The following DYM variants were observed in gnomAD, a reference collection of about 807,000 sequenced individuals.
The protein encoded by DYM is dymeclin.
A neutral mutation model predicts 93.1 loss-of-function variants in DYM; 78 were observed. The ratio of observed to expected loss-of-function variants is 0.84; its 90% CI spans 0.70 to 1.01. The LOEUF (loss-of-function observed/expected upper bound fraction) is 1.01, where lower values mean the gene tolerates loss of function less well. Ranked by LOEUF, DYM falls within the 50% of genes least tolerant of loss-of-function variation. DYM has a pLI of 0.00. For missense variants in DYM, 789 were observed against 845.0 expected, an observed-to-expected ratio of 0.93 and a Z score of 0.82; for synonymous variants, 321 against 319.7, an observed-to-expected ratio of 1.00 and a Z score of -0.04.
intron 1 of DYM, among the ~76,000 whole-genome samples, chr18:49,437,068 GTTTAT>G (rs113452462): frequency 0.012 from 1,768 of 152,174 alleles, 30 homozygotes; most frequent in African/African-American, 0.04. Context: ...AGATGTTTCT[GTTTAT>G]TTTATGTTCT....
chr18:49,398,700 C>T (rs2070418506), intron 2 of DYM, among the ~76,000 whole-genome samples: 1 of 152,192 alleles, frequency 6.6e-6, no homozygotes, highest in Non-Finnish European at 1.5e-5. Context: ...ACTCCAGTGT[C>T]TTCATCACAT....
chr18:49,210,462 A>C (rs1249366817), intron 13 of DYM, among the ~76,000 whole-genome samples: 2 of 152,236 alleles, frequency 1.3e-5, no homozygotes, highest in East Asian at 3.8e-4. Flanking sequence ...AAGGCTACAT[A>C]TTGTGTGATT....
At chr18:49,200,480 C>T (rs1014913322) in intron 14 of DYM, among the ~76,000 whole-genome samples, 14 of 151,448 alleles carry the variant, frequency 9.2e-5, no homozygotes, top group Non-Finnish European at 1.6e-4. Flanking sequence ...ATTCTTTTTT[C>T]ATAAACATTA....
chr18:49,130,958 T>C (rs754902174), intron 15 of DYM, among the ~76,000 whole-genome samples: 13 of 152,216 alleles, frequency 8.5e-5, no homozygotes, highest in Non-Finnish European at 5.9e-5. Context: ...CCTTGGGCAA[T>C]TCACTGAACC....
At chr18:49,272,586 G>T (rs2094734654) in intron 10 of DYM, among the ~76,000 whole-genome samples, 1 of 152,158 alleles carries the variant, frequency 6.6e-6, no homozygotes, top group Non-Finnish European at 1.5e-5. Flanking sequence ...TTGTTTTGAA[G>T]ATTTTAAGAA....
At chr18:49,289,735 AT>A (rs1568180625) in intron 8 of DYM, among the ~76,000 whole-genome samples, 20 of 13,954 alleles carry the variant, frequency 1.4e-3, no homozygotes, top group African/African-American at 4.2e-3. Context: ...GTGTATATAT[AT>A]ATATATATAT....
chr18:49,110,104 TAC>T (rs1189571946), intron 16 of DYM, among the ~76,000 whole-genome samples: 1 of 152,234 alleles, frequency 6.6e-6, no homozygotes, highest in East Asian at 1.9e-4. Context: ...CCCACTTGTT[TAC>T]ACATAGTCTA....
At chr18:49,418,272 A>C (rs1182421614) in intron 2 of DYM, among the ~76,000 whole-genome samples, 4 of 152,162 alleles carry the variant, frequency 2.6e-5, no homozygotes, top group African/African-American at 9.7e-5. Context: ...AAAAATAATA[A>C]GTACAGGTCT....
At chr18:49,305,776 G>A (rs1247729370) in intron 8 of DYM, among the ~76,000 whole-genome samples, 1 of 145,232 alleles carries the variant, frequency 6.9e-6, no homozygotes, top group Non-Finnish European at 1.5e-5. Context: ...TCCATTTGTT[G>A]CCTTATTTTT....
chr18:49,366,868 C>T (rs901309622), intron 5 of DYM, among the ~76,000 whole-genome samples: 11 of 152,068 alleles, frequency 7.2e-5, no homozygotes, highest in Admixed American at 5.9e-4. Context: ...CATCATTTTA[C>T]AGATGAAGAC....
In DYM at chr18:49,129,963, G is replaced by C. The variant is rs536126711; in HGVS notation, c.1729-11037C>G. Among the ~76,000 whole-genome samples, 6 of 152,290 alleles carry C rather than the reference G, an allele frequency of 3.9e-5. No homozygotes were observed. The South Asian group carries it at 1.2e-3, about 32-fold the overall frequency. On this transcript the variant is annotated intron_variant, in intron 15 of 17. Coordinates refer to ENST00000675505, the MANE Select transcript of DYM (RefSeq NM_001353214.3). ...AGATAAAGATCCAATCCTGATGATA[G>C]AGGAATAAAAGCAAAAAACTTTCTA...
chr18:49,162,832 T>C (rs2087334321), intron 15 of DYM, among the ~76,000 whole-genome samples: 1 of 152,144 alleles, frequency 6.6e-6, no homozygotes, highest in African/African-American at 2.4e-5. Flanking sequence ...CTCACAAGGT[T>C]GGAGGGAAGA....
intron 3 of DYM, among the ~76,000 whole-genome samples, chr18:49,384,125 A>C (rs1198319333): frequency 6.6e-6 from 1 of 151,920 alleles, no homozygotes; most frequent in Non-Finnish European, 1.5e-5. Context: ...GAAGTTCAAG[A>C]TAGCCTAGGC....
chr18:49,287,613 G>A (rs1179085620), intron 8 of DYM, among the ~76,000 whole-genome samples: 1 of 151,794 alleles, frequency 6.6e-6, no homozygotes, highest in African/African-American at 2.4e-5. Flanking sequence ...GGCCTGGCAC[G>A]GTGGCTCACG....
chr18:49,248,148 A>G (rs1479690788), intron 13 of DYM, among the ~76,000 whole-genome samples: 1 of 152,268 alleles, frequency 6.6e-6, no homozygotes, highest in African/African-American at 2.4e-5. Flanking sequence ...TTATACTGCA[A>G]GCCATTGCTC....
chr18:49,098,437 T>A lies in DYM; in HGVS notation c.1912-922A>T, dbSNP rs1044388828. Among the ~76,000 whole-genome samples, 3 of 152,242 alleles carry A rather than the reference T, an allele frequency of 2.0e-5. No homozygotes were observed. In the East Asian group the frequency reaches 5.8e-4, roughly 29 times the overall value. The stretch of plus-strand genomic sequence containing the variant: ...TTTAAGAGTACAATAACTTTTGTCT[T>A]ATCCATTCTAGTGGAAAGTACACTA... On this transcript the variant is annotated intron_variant, in intron 16 of 17. Transcript: ENST00000675505.
intron 15 of DYM, among the ~76,000 whole-genome samples, chr18:49,128,741 A>C (rs914610094): frequency 6.6e-6 from 1 of 152,208 alleles, no homozygotes; most frequent in Non-Finnish European, 1.5e-5. Flanking sequence ...AAACGTATTC[A>C]GGGTAACTTC....
intron 16 of DYM, among the ~76,000 whole-genome samples, chr18:49,109,676 T>C (rs779984297): frequency 6.6e-6 from 1 of 152,244 alleles, no homozygotes; most frequent in Non-Finnish European, 1.5e-5. Context: ...CTTAGGGTTA[T>C]GTGACAAGGG....
chr18:49,380,880 C>T (rs2067983455), intron 3 of DYM, among the ~76,000 whole-genome samples: 1 of 152,214 alleles, frequency 6.6e-6, no homozygotes, highest in African/African-American at 2.4e-5. Context: ...TGTTTCTCTT[C>T]TGAAGTATTT....
Sources: gnomAD v4.1 joint callset for allele counts (sites outside exome capture counted in the v4.1 genomes callset) on GRCh38, gnomAD v4.1.1 for gene constraint, MANE v1.5 for transcripts, NCBI Gene and HGNC (gene_info 2026-07-23, HGNC 2026-07-21) for gene names.